ETV6: variants seen among roughly 807,000 people sequenced by gnomAD.
ETV6 encodes ETS variant transcription factor 6, also known as transcription factor ETV6.
A neutral mutation model predicts 51.1 loss-of-function variants in ETV6; 16 were observed. The ratio of observed to expected loss-of-function variants is 0.31; its 90% CI spans 0.21 to 0.48. ETV6 has a LOEUF of 0.48. Among genes scored for constraint, ETV6 ranks in the 20% least tolerant of loss-of-function variants. The pLI, the probability that ETV6 is intolerant of heterozygous loss-of-function variation, is 0.99. For missense variants in ETV6, 458 were observed against 594.8 expected, an observed-to-expected ratio of 0.77 and a Z score of 2.39; for synonymous variants, 240 against 224.1, an observed-to-expected ratio of 1.07 and a Z score of -0.64.
Position 11,687,695 on chromosome 12 carries a change from A to G in ETV6, c.33+37535A>G, listed in dbSNP as rs539158037. On this transcript the variant is annotated intron_variant, in intron 1 of 7. Transcript: ENST00000396373. ...TGTTCCTCCATTTAAGATACTTTCA[A>G]GCATTGTAGGGAAAGAAAAGCACAT... Among the ~76,000 whole-genome samples, 3 of 152,362 alleles carry G rather than the reference A, an allele frequency of 2.0e-5. No homozygotes were observed. The South Asian group carries it at 6.2e-4, about 32-fold the overall frequency.
At chr12:11,768,927 T>C (rs981471897) in intron 2 of ETV6, 1 of 486,330 alleles carries the variant, frequency 2.1e-6, no homozygotes, top group South Asian at 1.5e-5. Flanking sequence ...TTGTGACTGC[T>C]TGGGCTTGTT....
At chr12:11,693,011 G>T (rs1864796545) in intron 1 of ETV6, among the ~76,000 whole-genome samples, 1 of 152,196 alleles carries the variant, frequency 6.6e-6, no homozygotes, top group Non-Finnish European at 1.5e-5. Context: ...CTGCACTCTA[G>T]CCTGGGCGAC....
chr12:11,836,442 G>A (rs1946316580), intron 2 of ETV6, among the ~76,000 whole-genome samples: 1 of 152,104 alleles, frequency 6.6e-6, no homozygotes, highest in African/African-American at 2.4e-5. Context: ...TAACTTGCTG[G>A]GTTCCTCTTG....
At chr12:11,752,339 GC>G in intron 1 of ETV6, 110 bp from the exon 2 acceptor site, 1 of 1,134,354 alleles carries the variant, frequency 8.8e-7, no homozygotes, top group Non-Finnish European at 1.3e-6. Flanking sequence ...AGCTGGTACT[GC>G]CCATGCCCCG....
intron 2 of ETV6, among the ~76,000 whole-genome samples, chr12:11,764,053 CT>C (rs1446219389): frequency 1.3e-5 from 2 of 152,144 alleles, no homozygotes; most frequent in African/African-American, 4.8e-5. Context: ...TGAGACATTC[CT>C]TTTGGATCAG....
At chr12:11,774,497 G>A (rs756138452) in intron 2 of ETV6, among the ~76,000 whole-genome samples, 1 of 152,192 alleles carries the variant, frequency 6.6e-6, no homozygotes, top group African/African-American at 2.4e-5. Context: ...CCTAGGTCCT[G>A]TAGGGATGTG....
rs530486142 is a variant in ETV6 at position 11,840,281 on chromosome 12, C to T, written c.328+977C>T. Among the ~76,000 whole-genome samples the T allele has an allele frequency of 2.3e-4, 35 of 152,318 alleles. No homozygotes were observed. In the South Asian group the frequency reaches 6.6e-3, roughly 29 times the overall value. Reference sequence around the variant, plus strand: ...ATCTCTACCTGCAGAGTGTATTGCTCATGTGGATAAGGCTTCAAAGATTTG... The same window carrying T: ...ATCTCTACCTGCAGAGTGTATTGCTTATGTGGATAAGGCTTCAAAGATTTG... On this transcript the variant is annotated intron_variant, in intron 3 of 7. Transcript: ENST00000396373.
chr12:11,869,874 A>G lies in ETV6; in HGVS notation c.914A>G (p.Asn305Ser), dbSNP rs555147578. The G allele has an allele frequency of 1.9e-6, 3 of 1,612,884 alleles. No individual in the cohort carries two copies. Among genetic ancestry groups the G allele is most frequent in the Non-Finnish European group, 2.5e-6 (3 of 1,180,000 alleles). Residue 305 changes from asparagine (N) to serine (S), a missense_variant, in exon 5 of 8, where the codon AAC becomes AGC. Around this residue, in one of 4 missense-constraint regions of ETV6, gnomAD observed 293 missense variants for 315.7 expected, o/e 0.93. Transcript: ENST00000396373. The surrounding 1 kb of genome is among the most constrained non-coding windows in gnomAD (Gnocchi z 5.0). Reference sequence around the variant, plus strand: ...CTGCATAGGGAAGGGAAGCCCATCAACCTCTCTCATCGGGAAGACCTGGCT... The same window carrying G: ...CTGCATAGGGAAGGGAAGCCCATCAGCCTCTCTCATCGGGAAGACCTGGCT... ...DGLHREGKPI[N>S]LSHREDLAYM...
chr12:11,768,262 A>G (rs1945191904), intron 2 of ETV6, among the ~76,000 whole-genome samples: 1 of 152,128 alleles, frequency 6.6e-6, no homozygotes, highest in African/African-American at 2.4e-5. Context: ...ATTGGAGAAA[A>G]CCAAGGTACC....
intron 2 of ETV6, among the ~76,000 whole-genome samples, chr12:11,784,458 CAA>C (rs33973168): frequency 0.049 from 5,798 of 118,238 alleles, 344 homozygotes; most frequent in African/African-American, 0.16. Context: ...GACTCCATCT[CAA>C]AAAAAAAAAA....
chr12:11,781,414 A>G (rs925557178), intron 2 of ETV6, among the ~76,000 whole-genome samples: 1 of 152,150 alleles, frequency 6.6e-6, no homozygotes, highest in African/African-American at 2.4e-5. Context: ...TCTTGGTTCT[A>G]GTTTTGCCAT....
chr12:11,724,689 C>A (rs1034449055), intron 1 of ETV6, among the ~76,000 whole-genome samples: 1 of 152,074 alleles, frequency 6.6e-6, no homozygotes, highest in Non-Finnish European at 1.5e-5. Context: ...AAATAATAAG[C>A]CTTAGAGAAC....
chr12:11,780,798 G>A (rs1774981789), intron 2 of ETV6, among the ~76,000 whole-genome samples: 1 of 152,220 alleles, frequency 6.6e-6, no homozygotes, highest in African/African-American at 2.4e-5. Context: ...GCGGTATGTG[G>A]ATGCTGAGCA....
chr12:11,703,494 A>G (rs952664142), intron 1 of ETV6, among the ~76,000 whole-genome samples: 1 of 151,984 alleles, frequency 6.6e-6, no homozygotes, highest in African/African-American at 2.4e-5. Flanking sequence ...AAACAGAAGG[A>G]TATTTACGAG....
intron 1 of ETV6, among the ~76,000 whole-genome samples, chr12:11,674,615 TTGTGTGTGTGTGTGTGTG>T (rs5796457): frequency 2.3e-4 from 31 of 133,238 alleles, no homozygotes; most frequent in South Asian, 2.3e-3. Context: ...TAGGGGTTAT[TTGTGTGTGTGTGTGTGTG>T]TGTGTGTGTG....
chr12:11,753,219 G>T (rs1314715866), intron 2 of ETV6, among the ~76,000 whole-genome samples: 1 of 151,962 alleles, frequency 6.6e-6, no homozygotes, highest in African/African-American at 2.4e-5. Flanking sequence ...CTACCCCTTG[G>T]CCTACCACTT....
intron 1 of ETV6, among the ~76,000 whole-genome samples, chr12:11,666,139 C>G (rs1864189918): frequency 1.3e-5 from 2 of 152,140 alleles, no homozygotes. Context: ...AGTTGCTCCC[C>G]CACCCCATTC....
chr12:11,860,499 T>C (rs1344282705), intron 4 of ETV6, among the ~76,000 whole-genome samples: 7 of 151,326 alleles, frequency 4.6e-5, no homozygotes, highest in African/African-American at 1.7e-4. Context: ...ACAGGACCTA[T>C]CTCAAAGGGT....
intron 2 of ETV6, among the ~76,000 whole-genome samples, chr12:11,817,782 C>T (rs1213355338): frequency 1.3e-5 from 2 of 152,168 alleles, no homozygotes; most frequent in Non-Finnish European, 2.9e-5. Flanking sequence ...AGTAGGCTTG[C>T]ATTCAGAGCT....
Sources: gnomAD v4.1 joint callset for allele counts (sites outside exome capture counted in the v4.1 genomes callset) on GRCh38, gnomAD v4.1.1 for gene constraint, gnomAD v4.1.1 regional missense constraint, Gnocchi (gnomAD v3.1) non-coding constraint, MANE v1.5 for transcripts, NCBI Gene and HGNC (gene_info 2026-07-23, HGNC 2026-07-21) for gene names.